Variants in RBFOX1 observed in about 807,000 individuals in gnomAD.
RBFOX1 encodes the protein RNA binding fox-1 homolog 1.
In RBFOX1, 8 loss-of-function variants were observed where a neutral mutation model predicts 57.7. The observed-to-expected ratio is 0.14, with a 90% CI of 0.08 to 0.25. The LOEUF is 0.25. Among genes scored for constraint, RBFOX1 ranks in the 10% least tolerant of loss-of-function variants. The pLI is 1.00. For synonymous variants in RBFOX1, 326 were observed against 222.4 expected (o/e 1.47, Z -4.15); for missense variants, 611 against 548.5 (o/e 1.11, Z -1.14).
At chr16:7,065,471 G>A (rs574648008) in intron 4 of RBFOX1, among the ~76,000 whole-genome samples, 1 of 152,226 alleles carries the variant, frequency 6.6e-6, no homozygotes, top group South Asian at 2.1e-4. Context: ...ACCTGCTTCT[G>A]CAGCAAAGCT....
rs2094937017 is a variant in RBFOX1 at position 7,600,210 on chromosome 16, T to C, written c.622+2779T>C. Among the ~76,000 whole-genome samples, 4 of 152,202 alleles carry C rather than the reference T, an allele frequency of 2.6e-5. No homozygotes were observed. In the South Asian group the frequency reaches 6.2e-4, roughly 24 times the overall value. ...TACCTGCAAAAGGGAACTCAGAGAATTGTTCCTGTCACACATACTGTGTAT... is the reference window on the plus strand; with the variant it reads ...TACCTGCAAAAGGGAACTCAGAGAACTGTTCCTGTCACACATACTGTGTAT... On this transcript the variant is annotated intron_variant, in intron 9 of 15. Coordinates refer to ENST00000550418, the MANE Select transcript of RBFOX1 (RefSeq NM_018723.4).
rs557659315 is a variant in RBFOX1 at position 7,325,335 on chromosome 16, A to G, written c.28-192812A>G. The stretch of plus-strand genomic sequence containing the variant: ...TTAAGTGATGTGCACGGGAACACAC[A>G]GCTGATAACTGGTAGGAACTGGGCT... On this transcript the variant is annotated intron_variant, in intron 4 of 15. Coordinates refer to ENST00000550418, the MANE Select transcript of RBFOX1 (RefSeq NM_018723.4). Among the ~76,000 whole-genome samples the G allele has an allele frequency of 2.5e-4, 38 of 152,354 alleles. 2 individuals are homozygous for G. The highest frequency in any genetic ancestry group is 7.9e-4 in the African/African-American group (33 of 41,582).
intron 1 of RBFOX1, among the ~76,000 whole-genome samples, chr16:6,209,705 A>G (rs1028761735): frequency 2.0e-5 from 3 of 152,216 alleles, no homozygotes; most frequent in Non-Finnish European, 4.4e-5. Context: ...TCAGAAAGGG[A>G]GGGGCAAGCC....
At chr16:7,215,335 T>G (rs930129592) in intron 4 of RBFOX1, among the ~76,000 whole-genome samples, 1 of 152,200 alleles carries the variant, frequency 6.6e-6, no homozygotes, top group African/African-American at 2.4e-5. Context: ...CTCAAAGTAT[T>G]ATAAATCATT....
intron 3 of RBFOX1, among the ~76,000 whole-genome samples, chr16:6,660,260 A>G (rs2154097598): frequency 6.6e-6 from 1 of 152,134 alleles, no homozygotes. Context: ...TTCTTGCTTA[A>G]AGAGTATTAC....
At chr16:5,775,461 G>A (rs1441361956) in intron 3 of RBFOX1, among the ~76,000 whole-genome samples, 1 of 152,166 alleles carries the variant, frequency 6.6e-6, no homozygotes, top group Non-Finnish European at 1.5e-5. Context: ...AAAGTAACAC[G>A]GTGGAAACAC....
chr16:5,669,006 C>T (rs564632848), intron 3 of RBFOX1, among the ~76,000 whole-genome samples: 87 of 152,242 alleles, frequency 5.7e-4, no homozygotes, highest in Admixed American at 3.3e-3. Context: ...TGAAAATAAT[C>T]CTTGCCCAAT....
chr16:5,992,542 G>T (rs1436088664), intron 4 of RBFOX1, among the ~76,000 whole-genome samples: 2 of 152,256 alleles, frequency 1.3e-5, no homozygotes, highest in South Asian at 2.1e-4. Context: ...GCATGTATGT[G>T]TGTGTGCTTG....
chr16:5,484,253 A>G (rs1446498191), intron 2 of RBFOX1, among the ~76,000 whole-genome samples: 3 of 152,126 alleles, frequency 2.0e-5, no homozygotes, highest in Non-Finnish European at 4.4e-5. Context: ...TTCTCAATTC[A>G]CCCATGAATC....
At chr16:7,365,707 G>A (rs940216626) in intron 4 of RBFOX1, among the ~76,000 whole-genome samples, 18 of 152,172 alleles carry the variant, frequency 1.2e-4, no homozygotes, top group African/African-American at 4.3e-4. Flanking sequence ...CAGAATTATA[G>A]CACCCAAAAT....
chr16:5,780,382 A>T (rs2054287393), intron 3 of RBFOX1, among the ~76,000 whole-genome samples: 1 of 152,238 alleles, frequency 6.6e-6, no homozygotes, highest in Admixed American at 6.5e-5. Flanking sequence ...AGACAATGAG[A>T]TAAATTTTAT....
At position 5,758,851 on chromosome 16, in the gene RBFOX1, T is replaced by C. The variant is rs1034220746; in HGVS notation, c.319-108452T>C. ...CCTAGACAGGAAAAAGGTTTGTTAATGTCCCACTGTGGCAAAAGCGTGGCT... is the reference window on the plus strand; with the variant it reads ...CCTAGACAGGAAAAAGGTTTGTTAACGTCCCACTGTGGCAAAAGCGTGGCT... On this transcript the variant is annotated intron_variant, in intron 3 of 19. Transcript: ENST00000641259. 3.3e-5 allele frequency among the ~76,000 whole-genome samples: 5 copies of C among 152,188 alleles called. No individual in the cohort carries two copies. In the South Asian group the frequency reaches 1.0e-3, roughly 32 times the overall value.
intron 1 of RBFOX1, among the ~76,000 whole-genome samples, chr16:6,316,142 A>C (rs2152774857): frequency 6.6e-6 from 1 of 152,260 alleles, no homozygotes; most frequent in East Asian, 1.9e-4. Context: ...CTGCTACTTA[A>C]GTTTCTCCCC....
At chr16:5,623,958 A>G (rs1364559127) in intron 3 of RBFOX1, among the ~76,000 whole-genome samples, 1 of 152,188 alleles carries the variant, frequency 6.6e-6, no homozygotes, top group Non-Finnish European at 1.5e-5. Context: ...ACTTTAGAAC[A>G]TTTCCATCAT....
chr16:6,054,815 C>G (rs970262911), intron 1 of RBFOX1, among the ~76,000 whole-genome samples: 1 of 152,036 alleles, frequency 6.6e-6, no homozygotes, highest in Non-Finnish European at 1.5e-5. Context: ...CAGAGTCTCA[C>G]TCTGTTACCT....
chr16:7,119,262 G>A (rs2066585309), intron 4 of RBFOX1, among the ~76,000 whole-genome samples: 1 of 152,100 alleles, frequency 6.6e-6, no homozygotes, highest in African/African-American at 2.4e-5. Flanking sequence ...ACATATGCAT[G>A]TGTGTTTGTG....
At chr16:6,764,522 A>G (rs1345149049) in intron 3 of RBFOX1, among the ~76,000 whole-genome samples, 7 of 152,136 alleles carry the variant, frequency 4.6e-5, no homozygotes, top group African/African-American at 9.7e-5. Flanking sequence ...TGTCCACTCA[A>G]TGTTGGAGCA....
At chr16:6,850,986 G>C (rs2094028766) in intron 3 of RBFOX1, among the ~76,000 whole-genome samples, 1 of 152,138 alleles carries the variant, frequency 6.6e-6, no homozygotes, top group Non-Finnish European at 1.5e-5. Context: ...TATGTTTTCA[G>C]TGCATGAATG....
At chr16:7,427,741 C>T (rs8049861) in intron 4 of RBFOX1, among the ~76,000 whole-genome samples, 6,470 of 152,032 alleles carry the variant, frequency 0.043, 133 homozygotes, top group African/African-American at 0.063. Flanking sequence ...GCAAACTCCA[C>T]CTCCCGGGTT....
Sources: allele counts gnomAD v4.1 joint callset (sites outside exome capture counted in the v4.1 genomes callset), GRCh38; gene constraint gnomAD v4.1.1; transcripts MANE v1.5; gene names NCBI Gene and HGNC (gene_info 2026-07-23, HGNC 2026-07-21).